The following RIN2 variants were observed in gnomAD, a reference collection of about 807,000 sequenced individuals.
The protein encoded by RIN2 is RAB5 interacting protein 2.
A neutral mutation model predicts 78.0 loss-of-function variants in RIN2; 36 were observed. The observed-to-expected ratio is 0.46, with a 90% CI of 0.35 to 0.61. The LOEUF is 0.61. RIN2 is among the 20% of genes least tolerant of loss of function. The pLI is 0.00. For missense variants in RIN2, 1,087 were observed against 1,159.7 expected, an observed-to-expected ratio of 0.94 and a Z score of 0.91; for synonymous variants, 466 against 466.8, an observed-to-expected ratio of 1.00 and a Z score of 0.02.
chr20:19,759,545 T>C (rs917251538), intron 1 of RIN2, among the ~76,000 whole-genome samples: 1 of 152,146 alleles, frequency 6.6e-6, no homozygotes, highest in Admixed American at 6.5e-5. Context: ...AATCAACATT[T>C]TAAATACAGG....
intron 3 of RIN2, among the ~76,000 whole-genome samples, chr20:19,894,741 C>T (rs370060923): frequency 6.6e-6 from 1 of 152,168 alleles, no homozygotes; most frequent in African/African-American, 2.4e-5. Context: ...TCATTATCCT[C>T]CCCATCCAGT....
intron 2 of RIN2, among the ~76,000 whole-genome samples, chr20:19,845,183 G>T (rs545636755): frequency 1.2e-4 from 19 of 152,280 alleles, no homozygotes; most frequent in African/African-American, 4.6e-4. Context: ...GAATAGTGCT[G>T]CAATAAACAT....
chr20:19,989,918 G>C, intron 9 of RIN2, 88 bp from the exon 10 acceptor site: 2 of 1,284,826 alleles, frequency 1.6e-6, no homozygotes, highest in Non-Finnish European at 2.1e-6. Flanking sequence ...CCAATGCATA[G>C]AGTTGCAGAT....
intron 4 of RIN2, among the ~76,000 whole-genome samples, chr20:19,945,602 A>G (rs1248827798): frequency 1.3e-5 from 2 of 152,186 alleles, no homozygotes; most frequent in African/African-American, 2.4e-5. Flanking sequence ...CTGGTCTCCA[A>G]TGTCTGGTAT....
intron 2 of RIN2, among the ~76,000 whole-genome samples, chr20:19,811,172 G>T (rs1335907537): frequency 6.6e-6 from 1 of 151,992 alleles, no homozygotes; most frequent in African/African-American, 2.4e-5. Context: ...TAATTTATTT[G>T]GTGAGTGATT....
At chr20:19,887,517 G>A (rs2038250764) in intron 2 of RIN2, among the ~76,000 whole-genome samples, 1 of 152,120 alleles carries the variant, frequency 6.6e-6, no homozygotes, top group African/African-American at 2.4e-5. Context: ...TGCATCTTTT[G>A]AAATGTGATG....
chr20:19,787,463 A>G (rs1328988446), intron 1 of RIN2, among the ~76,000 whole-genome samples: 2 of 150,998 alleles, frequency 1.3e-5, no homozygotes, highest in Non-Finnish European at 3.0e-5. Flanking sequence ...GAGAGAGAGA[A>G]ATGACCTCAA....
At chr20:19,972,054 T>G (rs975767007) in intron 8 of RIN2, among the ~76,000 whole-genome samples, 1 of 152,170 alleles carries the variant, frequency 6.6e-6, no homozygotes, top group South Asian at 2.1e-4. Context: ...GAAACTTAGA[T>G]TGTATCTGTA....
chr20:19,929,371 G>A (rs1403084081), intron 3 of RIN2, among the ~76,000 whole-genome samples: 1 of 151,896 alleles, frequency 6.6e-6, no homozygotes, highest in Non-Finnish European at 1.5e-5. Context: ...GTTTGTTTTG[G>A]TCTGGTTTGA....
Position 19,977,407 on chromosome 20 carries a change from A to C in RIN2, c.1762+1620A>C, listed in dbSNP as rs917161687. On this transcript the variant is annotated intron_variant, in intron 9 of 12. Transcript: ENST00000255006. The stretch of plus-strand genomic sequence containing the variant: ...AAGGACTCACTCATTTTCTCCAAAA[A>C]ACATGCTAAAATTATGTATTTCACT... Among the ~76,000 whole-genome samples, 3 of 126,120 alleles carry C rather than the reference A, an allele frequency of 2.4e-5. No homozygotes were observed. The South Asian group carries it at 7.1e-4, about 30-fold the overall frequency. The allele number at this position is 126,120 out of a possible 152,430, so 82.7% of individuals were successfully genotyped here.
chr20:19,885,691 A>AAAC (rs1491294625), intron 2 of RIN2, among the ~76,000 whole-genome samples: 11 of 138,350 alleles, frequency 8.0e-5, no homozygotes, highest in Admixed American at 3.5e-4. Flanking sequence ...GCAAACAAAC[A>AAAC]AAAAAAAAAA....
chr20:19,891,377 A>G (rs967793403), intron 3 of RIN2, among the ~76,000 whole-genome samples: 1 of 152,184 alleles, frequency 6.6e-6, no homozygotes, highest in Non-Finnish European at 1.5e-5. Flanking sequence ...CCCTGTTAAG[A>G]GGGATGATCC....
At chr20:19,830,671 A>C (rs374490075) in intron 2 of RIN2, among the ~76,000 whole-genome samples, 1 of 152,252 alleles carries the variant, frequency 6.6e-6, no homozygotes, top group Non-Finnish European at 1.5e-5. Flanking sequence ...ATGCAGTATC[A>C]TTAGCATGGT....
chr20:19,823,996 T>G (rs1429201695), intron 2 of RIN2: 6 of 1,151,894 alleles, frequency 5.2e-6, no homozygotes, highest in Non-Finnish European at 7.5e-6. Flanking sequence ...CCGAAGAAAG[T>G]TGCACCTTGG....
intron 2 of RIN2, chr20:19,823,954 G>C: frequency 2.0e-6 from 3 of 1,471,846 alleles, no homozygotes; most frequent in Non-Finnish European, 2.8e-6. Flanking sequence ...GGTGGAGGCA[G>C]CTGGTGTCGG....
intron 4 of RIN2, among the ~76,000 whole-genome samples, chr20:19,939,073 C>A (rs539330211): frequency 6.6e-6 from 1 of 152,206 alleles, no homozygotes; most frequent in Non-Finnish European, 1.5e-5. Context: ...GACAGAATCT[C>A]GCTCTGTTGC....
chr20:19,991,527 G>A (rs1044387789), intron 10 of RIN2, among the ~76,000 whole-genome samples: 17 of 152,190 alleles, frequency 1.1e-4, no homozygotes, highest in African/African-American at 3.9e-4. Flanking sequence ...AATGAAAAAT[G>A]TCTTCAGACA....
At chr20:19,785,855 G>A (rs73901290) in intron 1 of RIN2, among the ~76,000 whole-genome samples, 5,907 of 152,206 alleles carry the variant, frequency 0.039, 414 homozygotes, top group African/African-American at 0.14. Flanking sequence ...AAATGATGCC[G>A]TATTTTATAC....
chr20:19,922,984 G>A (rs1200489042), intron 3 of RIN2, among the ~76,000 whole-genome samples: 1 of 152,218 alleles, frequency 6.6e-6, no homozygotes, highest in Non-Finnish European at 1.5e-5. Flanking sequence ...AACCTTGGAC[G>A]CAGCCTTCAT....
Sources: allele counts gnomAD v4.1 joint callset (sites outside exome capture counted in the v4.1 genomes callset), GRCh38; gene constraint gnomAD v4.1.1; transcripts MANE v1.5; gene names NCBI Gene and HGNC (gene_info 2026-07-23, HGNC 2026-07-21).